C9orf72: variants seen among roughly 807,000 people sequenced by gnomAD.
C9orf72 encodes the protein guanine nucleotide exchange factor C9orf72.
In C9orf72, 44 loss-of-function variants were observed where a neutral mutation model predicts 51.6. The observed-to-expected ratio is 0.85, with a 90% confidence interval of 0.67 to 1.10. The LOEUF (loss-of-function observed/expected upper bound fraction) is 1.10, where lower values mean the gene tolerates loss of function less well. C9orf72 is among the 50% of genes least tolerant of loss of function. The probability of loss-of-function intolerance (pLI) is 0.00; values close to 1 mark genes in which losing one functional copy is unlikely to be tolerated. For missense variants in C9orf72, 607 were observed against 570.6 expected, an observed-to-expected ratio of 1.06 and a Z score of -0.65; for synonymous variants, 213 against 194.2, an observed-to-expected ratio of 1.10 and a Z score of -0.81.
intron 8 of C9orf72, among the ~76,000 whole-genome samples, chr9:27,556,263 G>T (rs562738804): frequency 6.6e-6 from 1 of 152,122 alleles, no homozygotes; most frequent in African/African-American, 2.4e-5. Flanking sequence ...GGGGCTGTCT[G>T]GTTGGCCACT....
intron 8 of C9orf72, among the ~76,000 whole-genome samples, chr9:27,551,704 T>C (rs1005201148): frequency 1.3e-5 from 2 of 152,240 alleles, no homozygotes; most frequent in Non-Finnish European, 2.9e-5. Context: ...GTGCCCCTTC[T>C]TGGGCTCTGG....
intron 3 of C9orf72, 87 bp from the exon 4 acceptor site, chr9:27,562,563 A>G: frequency 5.3e-6 from 3 of 568,750 alleles, no homozygotes; most frequent in Non-Finnish European, 8.9e-6. Context: ...ATCAAACAAT[A>G]ACATTCTTTG....
At position 27,567,090 on chromosome 9, in the gene C9orf72, C is replaced by G. The variant is rs1819485878; in HGVS notation, c.31G>C (p.Ala11Pro). The G allele has an allele frequency of 5.6e-6, 9 of 1,613,714 alleles. No individual in the cohort carries two copies. Among genetic ancestry groups the G allele is most frequent in the Non-Finnish European group, 7.6e-6 (9 of 1,179,696 alleles). Residue 11 changes from alanine to proline, a missense_variant, in exon 2 of 11, where the codon GCT becomes CCT. Ala to Pro is a conservative substitution (Grantham distance 27). Transcript: ENST00000380003. MSTLCPPPSP[A>P]VAKTEIALSG... Reference sequence around the variant, plus strand: ...AAAGCAATCTCTGTCTTGGCAACAGCTGGAGATGGCGGTGGGCAAAGAGTC... The same window carrying G: ...AAAGCAATCTCTGTCTTGGCAACAGGTGGAGATGGCGGTGGGCAAAGAGTC...
In C9orf72 at chr9:27,572,864, G is replaced by A. The variant is rs372492150; in HGVS notation, c.-45+567C>T. Among the ~76,000 whole-genome samples, 6 of 152,316 alleles carry A rather than the reference G, an allele frequency of 3.9e-5. 1 individual carries two copies. The highest frequency in any genetic ancestry group is 1.3e-4 in the Admixed American group (2 of 15,300). ...GCAACCAGGTCATGTCCCACAGAATGGGGAGCACACCGACTTGCATTGCTG... is the reference window on the plus strand; with the variant it reads ...GCAACCAGGTCATGTCCCACAGAATAGGGAGCACACCGACTTGCATTGCTG... On this transcript the variant is annotated intron_variant, in intron 1 of 10. Transcript: ENST00000380003.
chr9:27,559,074 A>G (rs1018828135), intron 6 of C9orf72: 1 of 152,872 alleles, frequency 6.5e-6, no homozygotes, highest in Non-Finnish European at 1.5e-5. Context: ...TCTGATTCTA[A>G]TAATATTTGA....
At chr9:27,570,641 G>T (rs1266549412) in intron 1 of C9orf72, among the ~76,000 whole-genome samples, 5 of 152,100 alleles carry the variant, frequency 3.3e-5, no homozygotes, top group Non-Finnish European at 5.9e-5. Flanking sequence ...CGAGGCAGGT[G>T]GATCACCTGA....
chr9:27,550,133 C>CATAT (rs559127338), intron 9 of C9orf72, among the ~76,000 whole-genome samples: 4 of 149,462 alleles, frequency 2.7e-5, no homozygotes, highest in Non-Finnish European at 5.9e-5. Context: ...AATATATAAA[C>CATAT]ATATATATAT....
At chr9:27,570,280 A>G (rs930539111) in intron 1 of C9orf72, among the ~76,000 whole-genome samples, 4 of 152,226 alleles carry the variant, frequency 2.6e-5, no homozygotes, top group Non-Finnish European at 5.9e-5. Flanking sequence ...TACTGCTGTC[A>G]TAACTAACAA....
intron 8 of C9orf72, among the ~76,000 whole-genome samples, chr9:27,553,541 G>A (rs1820951022): frequency 6.6e-6 from 1 of 152,090 alleles, no homozygotes; most frequent in African/African-American, 2.4e-5. Flanking sequence ...CCTTCCTTGT[G>A]CCATATACAA....
chr9:27,569,023 C>T (rs1179962883), intron 1 of C9orf72, among the ~76,000 whole-genome samples: 1 of 151,580 alleles, frequency 6.6e-6, no homozygotes, highest in African/African-American at 2.4e-5. Context: ...TGATCCTAAT[C>T]CTGTCTATGC....
At chr9:27,561,767 C>A in intron 4 of C9orf72, 118 bp from the exon 5 acceptor site, 1 of 602,496 alleles carries the variant, frequency 1.7e-6, no homozygotes, top group East Asian at 3.2e-5. Context: ...CCTTCATTTC[C>A]GAGAATCAAG....
In C9orf72 at chr9:27,570,826, G is replaced by A. The variant is rs148742845; in HGVS notation, c.-45+2605C>T. Among the ~76,000 whole-genome samples, 262 of 152,166 alleles carry A rather than the reference G, an allele frequency of 1.7e-3. 2 individuals carry two copies. The highest frequency in any genetic ancestry group is 5.9e-3 in the African/African-American group (243 of 41,508). On this transcript the variant is annotated intron_variant, in intron 1 of 10. Transcript: ENST00000380003. ...AGAGGTTGCAATGAGCTGAGATGGC[G>A]CCACTGCACTCCAGCCTGGGCGACA... is the stretch of plus-strand genomic sequence containing the variant.
intron 1 of C9orf72, among the ~76,000 whole-genome samples, chr9:27,573,080 C>T (rs1484556613): frequency 6.6e-6 from 1 of 152,188 alleles, no homozygotes; most frequent in African/African-American, 2.4e-5. Context: ...CGAGGCCTCT[C>T]AGTACCCGAG....
intron 3 of C9orf72, among the ~76,000 whole-genome samples, chr9:27,565,099 A>C (rs1216197956): frequency 4.6e-5 from 7 of 152,154 alleles, no homozygotes; most frequent in Admixed American, 3.3e-4. Context: ...GATACAACAT[A>C]AGACTTAGAA....
In C9orf72 at chr9:27,558,564, T is replaced by C. The variant is rs765663452; in HGVS notation, c.782A>G (p.Lys261Arg). The C allele has an allele frequency of 1.4e-5, 22 of 1,608,976 alleles. No individual in the cohort carries two copies. The East Asian group carries it at 2.2e-4, about 16-fold the overall frequency. The part of the protein sequence containing the change: ...LCLFLTPAER[K>R]CSRLCEAESS... ...TTCTGCTTCACATAACCTGGAGCAT[T>C]TTCTCTCTGCTGGAGTCAGAAAAAG... is the stretch of plus-strand genomic sequence containing the variant. The change falls in exon 7 of 11, where the codon AAA becomes AGA. Residue 261 changes from lysine (K) to arginine (R), a missense_variant. Physicochemically the swap from Lys to Arg is conservative, Grantham distance 26. Transcript: ENST00000380003.
chr9:27,547,482 T>C lies in C9orf72; in HGVS notation c.*754A>G, dbSNP rs1820792359. On this transcript the variant is annotated 3_prime_UTR_variant, in exon 11 of 11. Transcript: ENST00000380003. ...AATTTGGCTCAAAAATAATGAAAAT[T>C]AATTTAAAAAGTTGGCAACAATTAC... 1 of 152,624 alleles carries C rather than the reference T, an allele frequency of 6.6e-6. No individual in the cohort carries two copies. The highest frequency in any genetic ancestry group is 6.5e-5 in the Admixed American group (1 of 15,276). 9.5% of individuals were successfully genotyped at this position (152,624 alleles called of 1,614,324 possible).
chr9:27,562,515 A>C, intron 3 of C9orf72, 39 bp from the exon 4 acceptor site: 1 of 991,572 alleles, frequency 1.0e-6, no homozygotes, highest in Non-Finnish European at 1.5e-6. Flanking sequence ...AAAATCACGT[A>C]ATATGAGAGA....
rs766107319 is a variant in C9orf72 at position 27,548,386 on chromosome 9, G to A, written c.1296C>T (p.Asn432=). The A allele has an allele frequency of 5.7e-6, 8 of 1,403,410 alleles. No individual in the cohort carries two copies. In the South Asian group the frequency reaches 6.9e-5, roughly 12 times the overall value. 86.9% of individuals were successfully genotyped at this position (1,403,410 alleles called of 1,614,324 possible). Residue 432 remains asparagine (N), a synonymous_variant, in exon 11 of 11, where the codon AAC becomes AAT. Coordinates refer to ENST00000380003, the MANE Select transcript of C9orf72 (RefSeq NM_018325.5). ...CTGTTAAATCAAGGTCTATCTTCAGGTTCCGAAGAGATTTAAAGGGCTTTT... is the reference window on the plus strand; with the variant it reads ...CTGTTAAATCAAGGTCTATCTTCAGATTCCGAAGAGATTTAAAGGGCTTTT... ...KGKKPFKSLR[N]LKIDLDLTAE...
chr9:27,558,823 T>C (rs1819272074), intron 6 of C9orf72: 2 of 432,700 alleles, frequency 4.6e-6, no homozygotes, highest in African/African-American at 2.0e-5. Flanking sequence ...GTAAATTTAC[T>C]GTATGGCATC....
Sources: allele counts gnomAD v4.1 joint callset (sites outside exome capture counted in the v4.1 genomes callset), GRCh38; gene constraint gnomAD v4.1.1; transcripts MANE v1.5; gene names NCBI Gene and HGNC (gene_info 2026-07-23, HGNC 2026-07-21).